WDFY4: variants seen among roughly 807,000 people sequenced by gnomAD.
WDFY4 encodes the protein WD repeat- and FYVE domain-containing protein 4.
WDFY4 carries 169 observed loss-of-function variants against 351.9 expected under a neutral mutation model. That is an observed-to-expected ratio of 0.48 (90% CI 0.42 to 0.55). WDFY4 has a LOEUF of 0.55. Ranked by LOEUF, WDFY4 falls within the 20% of genes least tolerant of loss-of-function variation. The pLI is 0.00. For missense variants in WDFY4, 3,803 were observed against 3,935.6 expected (o/e 0.97, Z 0.90); for synonymous variants, 1,622 against 1,574.6 (o/e 1.03, Z -0.71).
At chr10:48,814,491 T>C (rs2067557362) in intron 31 of WDFY4, among the ~76,000 whole-genome samples, 1 of 152,002 alleles carries the variant, frequency 6.6e-6, no homozygotes, top group Non-Finnish European at 1.5e-5. Flanking sequence ...GGGCATGGAG[T>C]CTTCGGGAGT....
chr10:48,685,361 C>A (rs749745356), intron 1 of WDFY4, among the ~76,000 whole-genome samples: 1 of 152,194 alleles, frequency 6.6e-6, no homozygotes, highest in Non-Finnish European at 1.5e-5. Flanking sequence ...AGGGCTGACA[C>A]GGGCTTTCCT....
intron 23 of WDFY4, among the ~76,000 whole-genome samples, chr10:48,794,536 A>T (rs2066791208): frequency 6.6e-6 from 1 of 152,168 alleles, no homozygotes; most frequent in Non-Finnish European, 1.5e-5. Flanking sequence ...TAATCTAAGG[A>T]AATTGATGAA....
At chr10:48,709,007 AC>A (rs71026222) in intron 1 of WDFY4, among the ~76,000 whole-genome samples, 47,122 of 143,890 alleles carry the variant, frequency 0.33, 7,769 homozygotes, top group African/African-American at 0.41. Flanking sequence ...AACAAACAAC[AC>A]CCCCCCCCCC....
Position 48,776,942 on chromosome 10 carries a change from C to T in WDFY4, c.3056C>T (p.Ala1019Val). The change falls in exon 16 of 62, where the codon GCC (alanine) becomes GTC (valine). Residue 1019 changes from alanine (A) to valine (V), a missense_variant. Physicochemically the swap from Ala to Val is moderately conservative, Grantham distance 64. Transcript: ENST00000325239. ...RNLQPQRAAL[A>V]PSFVEFDMSV... ...CTGCAGCCTCAGAGGGCAGCCCTGG[C>T]CCCATCGTTTGTGGAATTTGACATG... 1 of 1,552,328 alleles carries T rather than the reference C, an allele frequency of 6.4e-7. No homozygotes were observed. The highest frequency in any genetic ancestry group is 8.7e-7 in the Non-Finnish European group (1 of 1,147,114).
chr10:48,768,687 G>C (rs959589207), intron 13 of WDFY4, among the ~76,000 whole-genome samples: 1 of 151,066 alleles, frequency 6.6e-6, no homozygotes, highest in Non-Finnish European at 1.5e-5. Context: ...CACGGGTCGA[G>C]CAGCCACCCA....
intron 11 of WDFY4, among the ~76,000 whole-genome samples, chr10:48,737,742 A>G (rs2064719142): frequency 6.6e-6 from 1 of 152,236 alleles, no homozygotes. Flanking sequence ...CTTGAATCCC[A>G]TGATTACTTG....
At chr10:48,806,649 C>T (rs569773090) in intron 27 of WDFY4, among the ~76,000 whole-genome samples, 15 of 152,206 alleles carry the variant, frequency 9.9e-5, no homozygotes, top group Non-Finnish European at 1.2e-4. Context: ...TCTCCCTTTT[C>T]GCCTAGCCAG....
chr10:48,931,261 G>A (rs764709501), intron 47 of WDFY4, among the ~76,000 whole-genome samples: 1 of 152,216 alleles, frequency 6.6e-6, no homozygotes, highest in Non-Finnish European at 1.5e-5. Flanking sequence ...ACAGGAATTG[G>A]GCAGCAGGTG....
chr10:48,872,230 T>C (rs1219966011), intron 40 of WDFY4, among the ~76,000 whole-genome samples: 3 of 152,226 alleles, frequency 2.0e-5, no homozygotes, highest in African/African-American at 7.2e-5. Flanking sequence ...CATCTATAAG[T>C]CTTCCAGTTT....
chr10:48,877,279 C>T (rs1395937812), intron 43 of WDFY4, 80 bp downstream of exon 43: 26 of 1,330,024 alleles, frequency 2.0e-5, no homozygotes, highest in East Asian at 7.8e-5. Flanking sequence ...ACCAAGCTTT[C>T]GCCACTTACA....
At chr10:48,883,108 G>A (rs2070318903) in intron 43 of WDFY4, among the ~76,000 whole-genome samples, 1 of 152,192 alleles carries the variant, frequency 6.6e-6, no homozygotes. Context: ...GTGGCTCCTG[G>A]CCCCATGTTC....
rs1439446294 is a variant in WDFY4 at position 48,743,229 on chromosome 10, G to A, written c.2140G>A (p.Asp714Asn). The A allele has an allele frequency of 2.6e-6, 4 of 1,551,698 alleles. No individual in the cohort carries two copies. Among genetic ancestry groups the A allele is most frequent in the Non-Finnish European group, 3.5e-6 (4 of 1,146,996 alleles). Residue 714 changes from aspartate (D) to asparagine (N), a missense_variant, in exon 12 of 62, where the codon GAC (aspartate) becomes AAC (asparagine). Physicochemically the swap from Asp to Asn is conservative, Grantham distance 23. This residue lies in a region of WDFY4 where 3,054 missense variants were observed against 3,148.6 expected (regional missense o/e 0.97). Coordinates refer to ENST00000325239, the MANE Select transcript of WDFY4 (RefSeq NM_001394531.1). ...RNGLFEKLAE[D>N]LCLLGCFGAL... ...TGGGCTCTTTGAGAAGCTGGCCGAG[G>A]ACCTCTGCCTGCTGGGCTGTTTTGG...
At chr10:48,810,343 C>T (rs930628200) in intron 28 of WDFY4, among the ~76,000 whole-genome samples, 187 bp from the exon 29 acceptor site, 1 of 152,206 alleles carries the variant, frequency 6.6e-6, no homozygotes, top group African/African-American at 2.4e-5. Flanking sequence ...TAGACAAATG[C>T]ATCATTTGCA....
intron 47 of WDFY4, among the ~76,000 whole-genome samples, chr10:48,914,962 T>C (rs1838378359): frequency 6.6e-6 from 1 of 152,190 alleles, no homozygotes; most frequent in Admixed American, 6.5e-5. Context: ...TCAACTCCTC[T>C]GCACAGAAAC....
At chr10:48,939,670 G>T (rs1840647730) in intron 47 of WDFY4, among the ~76,000 whole-genome samples, 1 of 152,136 alleles carries the variant, frequency 6.6e-6, no homozygotes, top group Non-Finnish European at 1.5e-5. Flanking sequence ...AATTCACATA[G>T]ATCATTTTAA....
At chr10:48,789,736 G>A (rs2066614983) in intron 21 of WDFY4, 138 bp from the exon 22 acceptor site, 10 of 736,496 alleles carry the variant, frequency 1.4e-5, no homozygotes, top group Admixed American at 2.6e-5. Context: ...TGGTTCAATT[G>A]CTATTCATTC....
chr10:48,897,242 C>T lies in WDFY4; in HGVS notation c.7317-212C>T, dbSNP rs7097891. On this transcript the variant is annotated intron_variant, in intron 44 of 61. Transcript: ENST00000325239. ...GGGCAGGGCAGCTTTCACGTGTCAG[C>T]GGCCAGTGCTAGAGCTGACATGGGC... is the stretch of plus-strand genomic sequence containing the variant. Among the ~76,000 whole-genome samples the T allele has an allele frequency of 7.4e-3, 1,127 of 152,312 alleles. 21 individuals are homozygous for T. The highest frequency in any genetic ancestry group is 0.026 in the African/African-American group (1,080 of 41,570).
intron 1 of WDFY4, among the ~76,000 whole-genome samples, chr10:48,698,981 A>C (rs1163776684): frequency 6.6e-6 from 1 of 152,186 alleles, no homozygotes; most frequent in African/African-American, 2.4e-5. Flanking sequence ...AGGAGATCAG[A>C]GGTCTCTCAT....
At chr10:48,788,506 A>T (rs1463869883) in intron 20 of WDFY4, 24 bp from the exon 21 acceptor site, 2 of 1,547,274 alleles carry the variant, frequency 1.3e-6, no homozygotes, top group East Asian at 2.4e-5. Flanking sequence ...TAGACTAGAA[A>T]TGTTTAAAGA....
Sources: gnomAD v4.1 joint callset for allele counts (sites outside exome capture counted in the v4.1 genomes callset) on GRCh38, gnomAD v4.1.1 for gene constraint, gnomAD v4.1.1 regional missense constraint, MANE v1.5 for transcripts, NCBI Gene and HGNC (gene_info 2026-07-23, HGNC 2026-07-21) for gene names.